The following CFAP54 variants were observed in gnomAD, a reference collection of about 807,000 sequenced individuals.
CFAP54 encodes cilia and flagella associated protein 54, also known as cilia- and flagella-associated protein 54.
A neutral mutation model predicts 370.4 loss-of-function variants in CFAP54; 290 were observed. The ratio of observed to expected loss-of-function variants is 0.78; its 90% CI spans 0.71 to 0.86. CFAP54 has a LOEUF of 0.86. CFAP54 is among the 40% of genes least tolerant of loss of function. CFAP54 has a pLI of 0.00. For synonymous variants in CFAP54, 1,206 were observed against 1,236.5 expected (o/e 0.98, Z 0.52); for missense variants, 3,399 against 3,528.7 (o/e 0.96, Z 0.93).
At chr12:96,575,641 A>G (rs1955967128) in intron 19 of CFAP54, among the ~76,000 whole-genome samples, 3 of 152,086 alleles carry the variant, frequency 2.0e-5, no homozygotes, top group Non-Finnish European at 4.4e-5. Context: ...GAATCTTCCA[A>G]ACACCATTGT....
At chr12:96,859,897 T>G (rs1013274345) in intron 66 of CFAP54, among the ~76,000 whole-genome samples, 1 of 152,200 alleles carries the variant, frequency 6.6e-6, no homozygotes, top group African/African-American at 2.4e-5. Context: ...TTAGGATTGA[T>G]CAAGGAAGGG....
chr12:96,798,810 G>C (rs371593155), intron 63 of CFAP54, among the ~76,000 whole-genome samples: 23 of 152,166 alleles, frequency 1.5e-4, no homozygotes, highest in African/African-American at 5.3e-4. Context: ...TATACATGAA[G>C]TATACTTGGT....
rs763004183 is a variant in CFAP54 at position 96,743,795 on chromosome 12, GA to G, written c.7444del (p.Ser2482AlafsTer2). On this transcript the variant is annotated frameshift_variant, in exon 54 of 68. Coordinates refer to ENST00000524981, the MANE Select transcript of CFAP54 (RefSeq NM_001306084.2). LOFTEE classifies it high-confidence loss of function. Reference protein sequence around the residue: ...ISPQSRLTLARSLVLLDDLTK... With the variant: ...ISPQSRLTLAXSLVLLDDLTK... ...CCTCAATCACGGCTAACCCTGGCAAGAAGCCTAGTTTTGCTGGATGACTTAA... is the reference window on the plus strand; with the variant it reads ...CCTCAATCACGGCTAACCCTGGCAAGAGCCTAGTTTTGCTGGATGACTTAA... 8 of 1,613,776 alleles carry G rather than the reference GA, an allele frequency of 5.0e-6. No individual in the cohort carries two copies. In the South Asian group the frequency reaches 7.7e-5, roughly 16 times the overall value.
At chr12:96,825,534 T>C (rs1218183472) in intron 65 of CFAP54, among the ~76,000 whole-genome samples, 25 of 110,832 alleles carry the variant, frequency 2.3e-4, no homozygotes, top group Non-Finnish European at 3.2e-4. Flanking sequence ...ATATATTATT[T>C]ACTATATATT....
chr12:96,857,039 A>C (rs2136459592), intron 66 of CFAP54, among the ~76,000 whole-genome samples: 1 of 152,362 alleles, frequency 6.6e-6, no homozygotes, highest in South Asian at 2.1e-4. Flanking sequence ...ACATGGCAGC[A>C]GCAAGGAGAA....
rs144552814 is a variant in CFAP54 at position 96,759,041 on chromosome 12, T to C, written c.8040+1453T>C. ...CTGTTTCATCCTTATTGAATAATCATTTGACCCTCCAAGAGATCTTTTCAG... is the reference window on the plus strand; with the variant it reads ...CTGTTTCATCCTTATTGAATAATCACTTGACCCTCCAAGAGATCTTTTCAG... On this transcript the variant is annotated intron_variant, in intron 58 of 67. Transcript: ENST00000524981. Among the ~76,000 whole-genome samples, 49 of 152,294 alleles carry C rather than the reference T, an allele frequency of 3.2e-4. No individual in the cohort carries two copies. The East Asian group carries it at 7.7e-3, about 24-fold the overall frequency.
At chr12:96,756,827 G>T (rs1250950976) in intron 57 of CFAP54, among the ~76,000 whole-genome samples, 1 of 152,188 alleles carries the variant, frequency 6.6e-6, no homozygotes, top group African/African-American at 2.4e-5. Flanking sequence ...GCCTCCTCAG[G>T]ATGACTGGCT....
At chr12:96,717,481 T>G (rs762330801) in intron 48 of CFAP54, among the ~76,000 whole-genome samples, 1 of 152,228 alleles carries the variant, frequency 6.6e-6, no homozygotes, top group Non-Finnish European at 1.5e-5. Context: ...CAAACTTAAT[T>G]TCTTCAGGTG....
Position 96,615,178 on chromosome 12 carries a change from A to G in CFAP54, c.3640-6412A>G, listed in dbSNP as rs1592884985. On this transcript the variant is annotated intron_variant, in intron 26 of 67. Coordinates refer to ENST00000524981, the MANE Select transcript of CFAP54 (RefSeq NM_001306084.2). ...CCAAAAGAGAGATATAGATCAATGG[A>G]ACAGAACAGAGCCCTCAGAAATAAT... is the stretch of plus-strand genomic sequence containing the variant. Among the ~76,000 whole-genome samples the G allele has an allele frequency of 2.0e-5, 3 of 152,330 alleles. No homozygotes were observed. In the East Asian group the frequency reaches 5.8e-4, roughly 29 times the overall value.
intron 62 of CFAP54, 120 bp downstream of exon 62, chr12:96,787,018 G>A (rs2136696478): frequency 2.6e-6 from 2 of 778,454 alleles, no homozygotes; most frequent in East Asian, 2.7e-5. Context: ...CAGAGTTCTA[G>A]GGAAGGCTCA....
intron 50 of CFAP54, among the ~76,000 whole-genome samples, chr12:96,733,763 G>A (rs994047615): frequency 1.6e-4 from 25 of 152,252 alleles, no homozygotes; most frequent in African/African-American, 5.3e-4. Flanking sequence ...AAGCAGTACC[G>A]AGTGGATTAG....
intron 20 of CFAP54, among the ~76,000 whole-genome samples, chr12:96,577,640 G>GT (rs34212241): frequency 0.2 from 30,504 of 148,916 alleles, 3,236 homozygotes; most frequent in South Asian, 0.27. Flanking sequence ...CATTTCCTGA[G>GT]TTTTTTTTTT....
intron 50 of CFAP54, among the ~76,000 whole-genome samples, chr12:96,731,864 A>T (rs1262707054): frequency 6.6e-6 from 1 of 152,178 alleles, no homozygotes; most frequent in African/African-American, 2.4e-5. Context: ...TAAATTCTAC[A>T]TTGCAACAAA....
chr12:96,713,318 A>G (rs901592978), intron 48 of CFAP54, among the ~76,000 whole-genome samples: 2 of 152,164 alleles, frequency 1.3e-5, no homozygotes, highest in Admixed American at 6.6e-5. Flanking sequence ...TAAAGGAAAT[A>G]TGATATATAT....
At position 96,504,032 on chromosome 12, in the gene CFAP54, A is replaced by G; in HGVS notation, c.567+3A>G. 1 of 1,501,302 alleles carries G rather than the reference A, an allele frequency of 6.7e-7. No individual in the cohort carries two copies. Among genetic ancestry groups the G allele is most frequent in the South Asian group, 1.3e-5 (1 of 77,470 alleles). The allele number at this position is 1,501,302 out of a possible 1,614,324, so 93.0% of individuals were successfully genotyped here. On this transcript the variant is annotated splice_donor_region_variant and intron_variant, in intron 3 of 67. Coordinates refer to ENST00000524981, the MANE Select transcript of CFAP54 (RefSeq NM_001306084.2). Reference sequence around the variant, plus strand: ...AAGATAAAACTGCTGGACTTACAGTAAGATGAAAGAGCAGCTGAAATAGCT... The same window carrying G: ...AAGATAAAACTGCTGGACTTACAGTGAGATGAAAGAGCAGCTGAAATAGCT...
chr12:96,523,315 C>T (rs1461122912), intron 8 of CFAP54, among the ~76,000 whole-genome samples: 3 of 152,212 alleles, frequency 2.0e-5, no homozygotes, highest in Non-Finnish European at 4.4e-5. Context: ...AAGGCAGCCG[C>T]TGGCAGAACC....
chr12:96,551,663 A>G (rs1192455000), intron 15 of CFAP54, among the ~76,000 whole-genome samples: 1 of 152,128 alleles, frequency 6.6e-6, no homozygotes, highest in East Asian at 1.9e-4. Flanking sequence ...AAAGAGATGC[A>G]AAAAAAGCAT....
At chr12:96,648,544 G>T (rs1230872897) in intron 34 of CFAP54, among the ~76,000 whole-genome samples, 4 of 150,562 alleles carry the variant, frequency 2.7e-5, no homozygotes, top group Non-Finnish European at 4.4e-5. Flanking sequence ...GTGACAGGGG[G>T]CTCCAAAAGG....
intron 61 of CFAP54, among the ~76,000 whole-genome samples, chr12:96,786,198 ATC>A (rs922694233): frequency 1.4e-5 from 2 of 139,726 alleles, no homozygotes; most frequent in African/African-American, 2.6e-5. Context: ...CTTTTTTTTA[ATC>A]TTTTTTTTTT....
Sources: gnomAD v4.1 joint callset for allele counts (sites outside exome capture counted in the v4.1 genomes callset) on GRCh38, gnomAD v4.1.1 for gene constraint, MANE v1.5 for transcripts, NCBI Gene and HGNC (gene_info 2026-07-23, HGNC 2026-07-21) for gene names.